AKAP11: variants seen among roughly 807,000 people sequenced by gnomAD.
AKAP11 encodes the protein A-kinase anchoring protein 11.
In AKAP11, 36 loss-of-function variants were observed where a neutral mutation model predicts 146.1. That is an observed-to-expected ratio of 0.25 (90% CI 0.19 to 0.33). AKAP11 has a LOEUF of 0.33. Ranked by LOEUF, AKAP11 falls within the 10% of genes least tolerant of loss-of-function variation. AKAP11 has a pLI of 1.00. For synonymous variants in AKAP11, 780 were observed against 786.5 expected, an observed-to-expected ratio of 0.99 and a Z score of 0.14; for missense variants, 2,201 against 2,197.0, an observed-to-expected ratio of 1.00 and a Z score of -0.04.
Position 42,304,843 on chromosome 13 carries a change from C to T in AKAP11, c.5117+980C>T, listed in dbSNP as rs373482452. 4.9e-4 allele frequency among the ~76,000 whole-genome samples: 75 copies of T among 152,120 alleles called. 1 individual carries two copies. The South Asian group carries it at 7.5e-3, about 15-fold the overall frequency. On this transcript the variant is annotated intron_variant, in intron 8 of 12. Transcript: ENST00000025301. ...TCAGCTCACTGCAACCTTTGCCTCC[C>T]GGGTTCAAGCGATTCCTGTGCCTCA...
chr13:42,290,030 A>G (rs1403090070), intron 3 of AKAP11, among the ~76,000 whole-genome samples: 1 of 152,056 alleles, frequency 6.6e-6, no homozygotes, highest in Non-Finnish European at 1.5e-5. Flanking sequence ...ATGCATTCCA[A>G]ACACAGATTT....
At chr13:42,312,198 G>A (rs1960598180) in intron 9 of AKAP11, among the ~76,000 whole-genome samples, 2 of 152,144 alleles carry the variant, frequency 1.3e-5, no homozygotes, top group African/African-American at 4.8e-5. Flanking sequence ...GAAATGATTA[G>A]AATTTTTAAA....
rs1311970280 is a variant in AKAP11, at chr13:42,313,885, A to G, written c.5358-9A>G. 1 of 1,611,346 alleles carries G rather than the reference A, an allele frequency of 6.2e-7. No individual in the cohort carries two copies. Among genetic ancestry groups the G allele is most frequent in the Non-Finnish European group, 8.5e-7 (1 of 1,178,716 alleles). ...TTTTTGTAACTGCTTCTGCTATTTT[A>G]TTCATAAGTGATGGACCAGATGATA... is the stretch of plus-strand genomic sequence containing the variant. On this transcript the variant is annotated splice_polypyrimidine_tract_variant and intron_variant, in intron 10 of 12. Coordinates refer to ENST00000025301, the MANE Select transcript of AKAP11 (RefSeq NM_016248.4).
At chr13:42,286,635 A>G (rs1464774231) in intron 3 of AKAP11, among the ~76,000 whole-genome samples, 1 of 152,206 alleles carries the variant, frequency 6.6e-6, no homozygotes, top group Non-Finnish European at 1.5e-5. Flanking sequence ...ACACATAGAT[A>G]TCCATGTGCT....
At position 42,319,103 on chromosome 13, in the gene AKAP11, C is replaced by A. The variant is rs765016299; in HGVS notation, c.5581C>A (p.Gln1861Lys). 6.2e-7 allele frequency: 1 copy of A among 1,613,596 alleles called. No homozygotes were observed. The highest frequency in any genetic ancestry group is 8.5e-7 in the Non-Finnish European group (1 of 1,179,792). Residue 1861 changes from glutamine (Q) to lysine (K), a missense_variant, in exon 13 of 13, where the codon CAA becomes AAA. Transcript: ENST00000025301. ...TCTTTCTTAGCTTTCAAAACAATTA[C>A]AAGAGAAAGGATGGAAAGTGGGAGA... ...KEFMLLSKQLQEKGWKVGDLL... is the reference protein window; with the variant it reads ...KEFMLLSKQLKEKGWKVGDLL...
Position 42,315,510 on chromosome 13 carries a change from T to G in AKAP11, c.5404+1570T>G, listed in dbSNP as rs2138707583. ...AGGCTATACATCGTATAAATGCATG[T>G]GGTTACGTATTCTCTAATGAACTAG... On this transcript the variant is annotated intron_variant, in intron 11 of 12. Coordinates refer to ENST00000025301, the MANE Select transcript of AKAP11 (RefSeq NM_016248.4). 1.3e-5 allele frequency among the ~76,000 whole-genome samples: 2 copies of G among 151,626 alleles called. 1 individual carries two copies. Among genetic ancestry groups the G allele is most frequent in the South Asian group, 4.2e-4 (2 of 4,774 alleles).
rs1959884295 is a variant in AKAP11 at position 42,301,282 on chromosome 13, A to C, written c.2536A>C (p.Asn846His). Residue 846 changes from asparagine (N) to histidine (H), a missense_variant, in exon 8 of 13, where the codon AAT (asparagine) becomes CAT (histidine). Transcript: ENST00000025301. Reference sequence around the variant, plus strand: ...TTTACCTTCAGAACACAATCCAGGTAATCAGAATGATTTTAAACCAACTAA... The same window carrying C: ...TTTACCTTCAGAACACAATCCAGGTCATCAGAATGATTTTAAACCAACTAA... ...ICLPSEHNPG[N>H]QNDFKPTNDD... The C allele has an allele frequency of 6.2e-7, 1 of 1,613,810 alleles. No individual in the cohort carries two copies. The highest frequency in any genetic ancestry group is 8.5e-7 in the Non-Finnish European group (1 of 1,179,940).
rs1960978321 is a variant in AKAP11 at position 42,319,310 on chromosome 13, T to C, written c.*82T>C. On this transcript the variant is annotated 3_prime_UTR_variant, in exon 13 of 13. Coordinates refer to ENST00000025301, the MANE Select transcript of AKAP11 (RefSeq NM_016248.4). ...AAAGATGTTTAGGATAAAATTTGAA[T>C]AGTGAATATTAACATCGTAAGTCAG... 1.3e-6 allele frequency: 2 copies of C among 1,518,184 alleles called. No homozygotes were observed. The highest frequency in any genetic ancestry group is 1.8e-4 in the Middle Eastern group (1 of 5,460). The allele number at this position is 1,518,184 out of a possible 1,614,324, so 94.0% of individuals were successfully genotyped here.
At chr13:42,280,325 CACTT>C (rs1341424344) in intron 1 of AKAP11, among the ~76,000 whole-genome samples, 1 of 152,180 alleles carries the variant, frequency 6.6e-6, no homozygotes, top group East Asian at 1.9e-4. Context: ...TAATTTTTAA[CACTT>C]GGCCATTTGG....
At chr13:42,286,975 T>G (rs919986837) in intron 3 of AKAP11, among the ~76,000 whole-genome samples, 3 of 152,210 alleles carry the variant, frequency 2.0e-5, no homozygotes, top group African/African-American at 7.2e-5. Context: ...CAGTCTTTGT[T>G]ATTTCTTTTT....
intron 1 of AKAP11, among the ~76,000 whole-genome samples, chr13:42,275,223 G>C (rs902205879): frequency 6.6e-6 from 1 of 152,144 alleles, no homozygotes; most frequent in African/African-American, 2.4e-5. Context: ...CTTTCAGATT[G>C]GCCTTCTCTT....
At chr13:42,285,568 A>G (rs973770620) in intron 1 of AKAP11, among the ~76,000 whole-genome samples, 6 of 152,192 alleles carry the variant, frequency 3.9e-5, no homozygotes, top group East Asian at 1.9e-4. Context: ...TTTTAAATGA[A>G]TGGACAAGAT....
At chr13:42,313,689 A>G (rs1225781285) in intron 10 of AKAP11, among the ~76,000 whole-genome samples, 3 of 152,194 alleles carry the variant, frequency 2.0e-5, no homozygotes, top group African/African-American at 7.2e-5. Context: ...TGGTTTTGAT[A>G]ACTTTAGGGA....
rs758158855 is a variant in AKAP11, at chr13:42,303,181, G to T, written c.4435G>T (p.Gly1479Cys). Residue 1479 changes from glycine (G) to cysteine (C), a missense_variant, in exon 8 of 13, where the codon GGC (glycine) becomes TGC (cysteine). Transcript: ENST00000025301. ...GGAAGAGTTGACAGCCTCTCTAGTT[G>T]GCCTACCAAAATCCTTAACAGATTC... ...AKEELTASLV[G>C]LPKSLTDSCL... 14 of 1,613,984 alleles carry T rather than the reference G, an allele frequency of 8.7e-6. No individual in the cohort carries two copies. In the South Asian group the frequency reaches 1.3e-4, roughly 15 times the overall value.
rs1488366431 is a variant in AKAP11, at chr13:42,302,447, A to G, written c.3701A>G (p.Asn1234Ser). 2 of 1,614,202 alleles carry G rather than the reference A, an allele frequency of 1.2e-6. No homozygotes were observed. Among genetic ancestry groups the G allele is most frequent in the Admixed American group, 1.7e-5 (1 of 60,032 alleles). The change falls in exon 8 of 13, where the codon AAT (asparagine) becomes AGT (serine). Residue 1234 changes from asparagine (N) to serine (S), a missense_variant. Transcript: ENST00000025301. ...QEPKVKNPCLNVQSQRSVSPT... is the reference protein window; with the variant it reads ...QEPKVKNPCLSVQSQRSVSPT... ...CCCAAGGTTAAAAACCCTTGCTTAA[A>G]TGTGCAAAGTCAAAGAAGTGTGTCG... is the stretch of plus-strand genomic sequence containing the variant.
chr13:42,301,916 C>A lies in AKAP11; in HGVS notation c.3170C>A (p.Ala1057Asp). 1 of 1,614,132 alleles carries A rather than the reference C, an allele frequency of 6.2e-7. No individual in the cohort carries two copies. The highest frequency in any genetic ancestry group is 2.2e-5 in the East Asian group (1 of 44,880). Residue 1057 changes from alanine to aspartate, a missense_variant, in exon 8 of 13, where the codon GCC (alanine) becomes GAC (aspartate). Around this residue, in one of 3 missense-constraint regions of AKAP11, gnomAD observed 1,867 missense variants for 1,833.5 expected, o/e 1.02. Transcript: ENST00000025301. ...AACTTGAATAGTACATCACTTGAGG[C>A]CTTGTCTTTTGGACAGGAAAACCCC... Reference protein sequence around the residue: ...KHNLNSTSLEALSFGQENPFP... With the variant: ...KHNLNSTSLEDLSFGQENPFP...
intron 11 of AKAP11, among the ~76,000 whole-genome samples, chr13:42,317,043 G>A (rs1026093804): frequency 1.3e-5 from 2 of 152,008 alleles, no homozygotes; most frequent in African/African-American, 4.8e-5. Flanking sequence ...ACGCCTGGCC[G>A]GATTTTGTAT....
rs374324473 is a variant in AKAP11, at chr13:42,299,376, T to G, written c.630T>G (p.Thr210=). 6.2e-7 allele frequency: 1 copy of G among 1,610,768 alleles called. No homozygotes were observed. The highest frequency in any genetic ancestry group is 2.2e-5 in the East Asian group (1 of 44,868). The change falls in exon 8 of 13, where the codon ACT becomes ACG. Residue 210 remains threonine (T), a synonymous_variant. Coordinates refer to ENST00000025301, the MANE Select transcript of AKAP11 (RefSeq NM_016248.4). ...CTTTTCCTATAGGAATGAACATTAC[T>G]GTGCTAAGGAGCCAGTGTGATGCTG... is the stretch of plus-strand genomic sequence containing the variant. The part of the protein sequence containing the change: ...SKPYNDGMNI[T]VLRSQCDAAS...
chr13:42,312,424 T>G (rs1473304003), intron 9 of AKAP11, among the ~76,000 whole-genome samples: 1 of 152,230 alleles, frequency 6.6e-6, no homozygotes, highest in Non-Finnish European at 1.5e-5. Context: ...CTAGCTGTAT[T>G]CTGAAGAAAA....
Sources: gnomAD v4.1 joint callset for allele counts (sites outside exome capture counted in the v4.1 genomes callset) on GRCh38, gnomAD v4.1.1 for gene constraint, gnomAD v4.1.1 regional missense constraint, MANE v1.5 for transcripts, NCBI Gene and HGNC (gene_info 2026-07-23, HGNC 2026-07-21) for gene names.